The following SH3PXD2B variants were observed in gnomAD, a reference collection of about 807,000 sequenced individuals.
SH3PXD2B encodes SH3 and PX domain-containing protein 2B.
SH3PXD2B carries 37 observed loss-of-function variants against 73.1 expected under a neutral mutation model. The ratio of observed to expected loss-of-function variants is 0.51; its 90% CI spans 0.39 to 0.67. The LOEUF (loss-of-function observed/expected upper bound fraction) is 0.67, where lower values mean the gene tolerates loss of function less well. Among genes scored for constraint, SH3PXD2B ranks in the 30% least tolerant of loss-of-function variants. The probability of loss-of-function intolerance (pLI) is 0.00; values close to 1 mark genes in which losing one functional copy is unlikely to be tolerated. For missense variants in SH3PXD2B, 1,053 were observed against 1,197.8 expected (o/e 0.88, Z 1.78); for synonymous variants, 457 against 480.5 (o/e 0.95, Z 0.64).
intron 2 of SH3PXD2B, among the ~76,000 whole-genome samples, chr5:172,415,443 G>A (rs1025008751): frequency 3.9e-5 from 6 of 152,172 alleles, no homozygotes; most frequent in Non-Finnish European, 8.8e-5. Flanking sequence ...CAAGGAGGCA[G>A]GGAGGTTAGG....
chr5:172,426,803 A>G (rs138001576), intron 1 of SH3PXD2B, among the ~76,000 whole-genome samples: 19 of 152,318 alleles, frequency 1.2e-4, no homozygotes, highest in Non-Finnish European at 2.4e-4. Flanking sequence ...GTCACACAGA[A>G]GAAAGCAGAG....
At chr5:172,410,615 C>T (rs12658069) in intron 2 of SH3PXD2B, among the ~76,000 whole-genome samples, 74,561 of 151,908 alleles carry the variant, frequency 0.49, 19,508 homozygotes, top group East Asian at 0.7. Context: ...CTAAAGTTTA[C>T]TGATTAAAAA....
At chr5:172,392,032 G>C (rs538813057) in intron 4 of SH3PXD2B, among the ~76,000 whole-genome samples, 11 of 151,772 alleles carry the variant, frequency 7.2e-5, no homozygotes, top group Non-Finnish European at 1.3e-4. Context: ...TTGAGATAAG[G>C]GTCTAACTTC....
intron 8 of SH3PXD2B, 125 bp from the exon 9 acceptor site, chr5:172,354,130 T>C (rs989972806): frequency 5.5e-5 from 48 of 866,616 alleles, no homozygotes; most frequent in African/African-American, 2.0e-4. Flanking sequence ...GCACCCCCCC[T>C]GGCCCTGACC....
chr5:172,432,245 A>G (rs912562460), intron 1 of SH3PXD2B, among the ~76,000 whole-genome samples: 2 of 152,224 alleles, frequency 1.3e-5, no homozygotes, highest in Non-Finnish European at 2.9e-5. Context: ...CAGAGTCAAC[A>G]GCACTGCAAC....
intron 12 of SH3PXD2B, among the ~76,000 whole-genome samples, chr5:172,325,818 G>GT (rs1756437209): frequency 6.6e-6 from 1 of 152,164 alleles, no homozygotes; most frequent in Non-Finnish European, 1.5e-5. Flanking sequence ...TTTCGCTGTT[G>GT]TTGCCCAGGC....
chr5:172,439,692 GCACACACACACACACACACACA>G (rs367799974), intron 1 of SH3PXD2B, among the ~76,000 whole-genome samples: 1 of 138,542 alleles, frequency 7.2e-6, no homozygotes, highest in African/African-American at 2.8e-5. Context: ...GCACGCGCGC[GCACACACACACACACACACACA>G]CACACACACA....
At chr5:172,328,402 C>T (rs568149571) in intron 12 of SH3PXD2B, among the ~76,000 whole-genome samples, 307 of 152,252 alleles carry the variant, frequency 2.0e-3, no homozygotes, top group African/African-American at 7.2e-3. Flanking sequence ...CCGCACCCAG[C>T]CGCCTAGGCT....
At position 172,335,566 on chromosome 5, in the gene SH3PXD2B, A is replaced by T; in HGVS notation, c.*2803T>A. Reference sequence around the variant, plus strand: ...TCCGCCTCACAGGCTTGCCGTAAGGATTAAAGGAGCGTGTGTGTTTAGGCA... The same window carrying T: ...TCCGCCTCACAGGCTTGCCGTAAGGTTTAAAGGAGCGTGTGTGTTTAGGCA... On this transcript the variant is annotated 3_prime_UTR_variant, in exon 13 of 13. Transcript: ENST00000311601. 2 of 1,231,782 alleles carry T rather than the reference A, an allele frequency of 1.6e-6. No homozygotes were observed. The allele number at this position is 1,231,782 out of a possible 1,614,324, so 76.3% of individuals were successfully genotyped here.
At chr5:172,415,046 TC>T (rs1334851211) in intron 2 of SH3PXD2B, among the ~76,000 whole-genome samples, 1 of 152,188 alleles carries the variant, frequency 6.6e-6, no homozygotes, top group East Asian at 1.9e-4. Flanking sequence ...CACCTGGATT[TC>T]TCTCTATCTG....
chr5:172,409,338 C>T lies in SH3PXD2B; in HGVS notation c.157-2986G>A, dbSNP rs189283536. 1.5e-4 allele frequency among the ~76,000 whole-genome samples: 23 copies of T among 152,188 alleles called. No individual in the cohort carries two copies. The East Asian group carries it at 3.7e-3, about 24-fold the overall frequency. ...TGGAGGTTGCAGCGAGCCGAGACCG[C>T]GCCATTGCACTACAGCCTGGACAAC... On this transcript the variant is annotated intron_variant, in intron 2 of 12. Coordinates refer to ENST00000311601, the MANE Select transcript of SH3PXD2B (RefSeq NM_001017995.3).
At chr5:172,373,223 G>A (rs1035685031) in intron 6 of SH3PXD2B, among the ~76,000 whole-genome samples, 4 of 152,168 alleles carry the variant, frequency 2.6e-5, no homozygotes, top group South Asian at 2.1e-4. Flanking sequence ...CAAATCTACC[G>A]CACATTCCTG....
chr5:172,386,938 G>A (rs1174495986), intron 4 of SH3PXD2B, among the ~76,000 whole-genome samples: 1 of 152,168 alleles, frequency 6.6e-6, no homozygotes, highest in African/African-American at 2.4e-5. Context: ...TGTTATGGTT[G>A]TGATATAAAG....
chr5:172,377,817 T>C (rs1757849682), intron 5 of SH3PXD2B, among the ~76,000 whole-genome samples: 1 of 152,210 alleles, frequency 6.6e-6, no homozygotes, highest in Admixed American at 6.5e-5. Flanking sequence ...CAGTCTGGGC[T>C]GTGTTTTGTA....
At chr5:172,420,363 T>C (rs1029746473) in intron 2 of SH3PXD2B, among the ~76,000 whole-genome samples, 2 of 152,240 alleles carry the variant, frequency 1.3e-5, no homozygotes, top group Non-Finnish European at 2.9e-5. Flanking sequence ...TATTATGCAA[T>C]GACTCTTGGC....
chr5:172,419,215 TG>T (rs1469336958), intron 2 of SH3PXD2B, among the ~76,000 whole-genome samples: 5 of 152,288 alleles, frequency 3.3e-5, no homozygotes, highest in Non-Finnish European at 5.9e-5. Flanking sequence ...TAGGCTGCGC[TG>T]GAACAGGGAA....
intron 12 of SH3PXD2B, among the ~76,000 whole-genome samples, chr5:172,327,984 A>C (rs2113212592): frequency 6.6e-6 from 1 of 151,998 alleles, no homozygotes; most frequent in East Asian, 1.9e-4. Flanking sequence ...CGAACTCCTG[A>C]CTTCAAGTGA....
rs1165569206 is a variant in SH3PXD2B, at chr5:172,396,674, C to T, written c.233-2035G>A. ...ATTAAAAAAATATCTAGGCTGGGTG[C>T]GGTGGCTCACGCCTGTAATCCCCAC... On this transcript the variant is annotated intron_variant, in intron 3 of 12. Coordinates refer to ENST00000311601, the MANE Select transcript of SH3PXD2B (RefSeq NM_001017995.3). Among the ~76,000 whole-genome samples the T allele has an allele frequency of 7.2e-5, 10 of 139,594 alleles. No individual in the cohort carries two copies. In the East Asian group the frequency reaches 1.3e-3, roughly 18 times the overall value. 91.6% of individuals were successfully genotyped at this position (139,594 alleles called of 152,430 possible).
intron 1 of SH3PXD2B, among the ~76,000 whole-genome samples, chr5:172,423,480 G>C (rs1759019330): frequency 6.7e-6 from 1 of 149,340 alleles, no homozygotes; most frequent in Non-Finnish European, 1.5e-5. Context: ...GCATACATAA[G>C]TGAAGATGAC....
Sources: allele counts gnomAD v4.1 joint callset (sites outside exome capture counted in the v4.1 genomes callset), GRCh38; gene constraint gnomAD v4.1.1; transcripts MANE v1.5; gene names NCBI Gene and HGNC (gene_info 2026-07-23, HGNC 2026-07-21).